Variants in ATRNL1 observed in about 807,000 individuals in gnomAD.
The protein encoded by ATRNL1 is attractin-like protein 1.
In ATRNL1, 95 loss-of-function variants were observed where a neutral mutation model predicts 182.7. The ratio of observed to expected loss-of-function variants is 0.52; its 90% CI spans 0.44 to 0.62. ATRNL1 has a LOEUF of 0.62. ATRNL1 is among the 20% of genes least tolerant of loss of function. The pLI is 0.00. For synonymous variants in ATRNL1, 576 were observed against 568.3 expected, an observed-to-expected ratio of 1.01 and a Z score of -0.19; for missense variants, 1,471 against 1,679.5, an observed-to-expected ratio of 0.88 and a Z score of 2.17.
At chr10:115,249,165 G>T (rs1367971573) in intron 10 of ATRNL1, among the ~76,000 whole-genome samples, 3 of 151,662 alleles carry the variant, frequency 2.0e-5, no homozygotes, top group African/African-American at 7.3e-5. Flanking sequence ...TATTTTTTTT[G>T]TATTTTTCAG....
At chr10:115,142,082 A>G (rs1190774922) in intron 5 of ATRNL1, among the ~76,000 whole-genome samples, 2 of 152,228 alleles carry the variant, frequency 1.3e-5, no homozygotes, top group Admixed American at 6.5e-5. Context: ...CATTCAAGCT[A>G]GGAGAGACAG....
chr10:115,865,028 A>G (rs1555104411), intron 28 of ATRNL1, among the ~76,000 whole-genome samples: 1 of 152,020 alleles, frequency 6.6e-6, no homozygotes, highest in Non-Finnish European at 1.5e-5. Context: ...ATTGAGGGAC[A>G]GTTTACAAAA....
chr10:115,554,054 C>A (rs763765847), intron 26 of ATRNL1, among the ~76,000 whole-genome samples: 1 of 151,456 alleles, frequency 6.6e-6, no homozygotes, highest in Non-Finnish European at 1.5e-5. Context: ...TGCCTGCAAC[C>A]TTTTGTAGAA....
At chr10:115,296,881 G>T (rs1554922773) in intron 15 of ATRNL1, among the ~76,000 whole-genome samples, 1 of 152,178 alleles carries the variant, frequency 6.6e-6, no homozygotes, top group African/African-American at 2.4e-5. Flanking sequence ...AGATTACAGA[G>T]ATCAAAAGAC....
chr10:115,392,279 T>C (rs113072068), intron 19 of ATRNL1, among the ~76,000 whole-genome samples: 1 of 152,122 alleles, frequency 6.6e-6, no homozygotes, highest in East Asian at 1.9e-4. Flanking sequence ...AAGCAAGACA[T>C]AGAGTATAAT....
At chr10:115,528,118 G>C (rs1409537107) in intron 25 of ATRNL1, among the ~76,000 whole-genome samples, 4 of 148,350 alleles carry the variant, frequency 2.7e-5, no homozygotes, top group Non-Finnish European at 4.4e-5. Flanking sequence ...GCATTCTGTA[G>C]ACATTAATAT....
intron 24 of ATRNL1, among the ~76,000 whole-genome samples, chr10:115,510,476 C>A (rs1396001359): frequency 6.6e-6 from 1 of 151,944 alleles, no homozygotes; most frequent in Non-Finnish European, 1.5e-5. Flanking sequence ...AGACCCTCCA[C>A]CAGCAAAAAG....
chr10:115,696,788 C>T (rs1473590139), intron 26 of ATRNL1, among the ~76,000 whole-genome samples: 5 of 151,608 alleles, frequency 3.3e-5, no homozygotes, highest in African/African-American at 9.7e-5. Flanking sequence ...ACTCACAGTT[C>T]CACATGGCTG....
intron 17 of ATRNL1, among the ~76,000 whole-genome samples, chr10:115,311,879 C>G (rs1854051462): frequency 6.7e-6 from 1 of 149,682 alleles, no homozygotes; most frequent in African/African-American, 2.5e-5. Flanking sequence ...TTTTTCTTTA[C>G]TGTTGTTCCT....
At chr10:115,737,069 A>G (rs1555066027) in intron 27 of ATRNL1, among the ~76,000 whole-genome samples, 1 of 152,036 alleles carries the variant, frequency 6.6e-6, no homozygotes, top group Non-Finnish European at 1.5e-5. Context: ...GCCTTGGAGC[A>G]GTTTTATCTG....
intron 3 of ATRNL1, among the ~76,000 whole-genome samples, chr10:115,123,280 T>A (rs1844820976): frequency 6.6e-6 from 1 of 152,110 alleles, no homozygotes; most frequent in South Asian, 2.1e-4. Flanking sequence ...CATCTAATCC[T>A]CACAAAGATC....
intron 26 of ATRNL1, among the ~76,000 whole-genome samples, chr10:115,565,668 T>A (rs1431846393): frequency 5.9e-5 from 9 of 152,140 alleles, no homozygotes; most frequent in Admixed American, 5.9e-4. Flanking sequence ...TATGGTACAA[T>A]AGCATCCAAA....
Position 115,853,560 on chromosome 10 carries a change from CTTTTA to C in ATRNL1, c.4018+5571_4018+5575del, listed in dbSNP as rs1416558379. On this transcript the variant is annotated intron_variant, in intron 28 of 28. Transcript: ENST00000355044. ...TTCTATTCCTTCACACTTTGTTTTT[CTTTTA>C]TAATTCTGCCACCATATCTTCACAC... Among the ~76,000 whole-genome samples, 8 of 152,214 alleles carry C rather than the reference CTTTTA, an allele frequency of 5.3e-5. No individual in the cohort carries two copies. In the East Asian group the frequency reaches 1.5e-3, roughly 29 times the overall value.
chr10:115,833,707 CAG>C (rs1950607041), intron 27 of ATRNL1, among the ~76,000 whole-genome samples: 1 of 152,108 alleles, frequency 6.6e-6, no homozygotes, highest in Admixed American at 6.6e-5. Flanking sequence ...AAATTGAGCA[CAG>C]AGAGTTAAGA....
intron 28 of ATRNL1, among the ~76,000 whole-genome samples, chr10:115,923,827 C>CA (rs1555119276): frequency 6.6e-6 from 1 of 152,116 alleles, no homozygotes; most frequent in Non-Finnish European, 1.5e-5. Flanking sequence ...GAGGAATCGC[C>CA]TACTGTCTTC....
chr10:115,918,945 C>G (rs1272202289), intron 28 of ATRNL1, among the ~76,000 whole-genome samples: 1 of 152,158 alleles, frequency 6.6e-6, no homozygotes, highest in Non-Finnish European at 1.5e-5. Context: ...TTCCAAATAA[C>G]TAGCAAACCT....
At chr10:115,193,927 A>G (rs1848260854) in intron 8 of ATRNL1, among the ~76,000 whole-genome samples, 1 of 151,806 alleles carries the variant, frequency 6.6e-6, no homozygotes, top group Non-Finnish European at 1.5e-5. Flanking sequence ...TGGAAATTTT[A>G]AAATTTTCTT....
intron 21 of ATRNL1, among the ~76,000 whole-genome samples, chr10:115,460,403 A>C (rs1446818896): frequency 1.3e-5 from 2 of 151,946 alleles, no homozygotes; most frequent in Non-Finnish European, 2.9e-5. Flanking sequence ...GCTTGGTCTT[A>C]GGAAAAAATT....
intron 2 of ATRNL1, among the ~76,000 whole-genome samples, 160 bp downstream of exon 2, chr10:115,120,428 C>T (rs1209729445): frequency 6.6e-6 from 1 of 151,988 alleles, no homozygotes; most frequent in Non-Finnish European, 1.5e-5. Flanking sequence ...ATGTAAATTA[C>T]ACTACCTCTT....
Sources: allele counts gnomAD v4.1 joint callset (sites outside exome capture counted in the v4.1 genomes callset), GRCh38; gene constraint gnomAD v4.1.1; transcripts MANE v1.5; gene names NCBI Gene and HGNC (gene_info 2026-07-23, HGNC 2026-07-21).